The following PLCE1 variants were observed in gnomAD, a reference collection of about 807,000 sequenced individuals.
The protein encoded by PLCE1 is 1-phosphatidylinositol 4,5-bisphosphate phosphodiesterase epsilon-1.
In PLCE1, 119 loss-of-function variants were observed where a neutral mutation model predicts 242.8. The ratio of observed to expected loss-of-function variants is 0.49; its 90% confidence interval spans 0.42 to 0.57. PLCE1 has a LOEUF of 0.57. PLCE1 is among the 20% of genes least tolerant of loss of function. PLCE1 has a pLI of 0.00. For synonymous variants in PLCE1, 945 were observed against 1,017.4 expected (o/e 0.93, Z 1.35); for missense variants, 2,441 against 2,788.8 (o/e 0.88, Z 2.81).
intron 1 of PLCE1, among the ~76,000 whole-genome samples, chr10:94,003,252 T>A (rs1203281270): frequency 6.6e-6 from 1 of 152,252 alleles, no homozygotes; most frequent in East Asian, 1.9e-4. Context: ...CTAGAAGGCA[T>A]AATGTTGGCT....
intron 29 of PLCE1, 127 bp from the exon 30 acceptor site, chr10:94,321,774 G>A (rs2053813673): frequency 1.5e-6 from 1 of 689,336 alleles, no homozygotes; most frequent in Non-Finnish European, 2.5e-6. Flanking sequence ...TAATAACATA[G>A]TATATGAGAT....
chr10:94,057,615 C>T (rs891388559), intron 2 of PLCE1, among the ~76,000 whole-genome samples: 1 of 152,166 alleles, frequency 6.6e-6, no homozygotes, highest in African/African-American at 2.4e-5. Context: ...TATACTTCCA[C>T]GAAACTGTGT....
chr10:94,320,751 A>T (rs2053769796), intron 29 of PLCE1, among the ~76,000 whole-genome samples: 1 of 152,208 alleles, frequency 6.6e-6, no homozygotes, highest in African/African-American at 2.4e-5. Context: ...TCATTTGAAA[A>T]TGTGGTGGAC....
chr10:94,101,594 T>C (rs2045538503), intron 2 of PLCE1, among the ~76,000 whole-genome samples: 1 of 152,100 alleles, frequency 6.6e-6, no homozygotes, highest in Admixed American at 6.5e-5. Context: ...TGAAAACAAG[T>C]GACACAGGTG....
At chr10:94,137,165 C>G (rs982462950) in intron 3 of PLCE1, among the ~76,000 whole-genome samples, 2 of 152,120 alleles carry the variant, frequency 1.3e-5, no homozygotes, top group African/African-American at 4.8e-5. Flanking sequence ...TGCACTCCAG[C>G]CTGGGCGACA....
In PLCE1 at chr10:94,331,491, C is replaced by A. The variant is rs2054155257; in HGVS notation, c.*3548C>A. ...AACACAAAACTCCACATCTATGCTC[C>A]CATGCTAGTAAAGAAGAGTAGGATT... On this transcript the variant is annotated 3_prime_UTR_variant, in exon 33 of 33. Coordinates refer to ENST00000371380, the MANE Select transcript of PLCE1 (RefSeq NM_016341.4). 6.6e-6 allele frequency: 1 copy of A among 152,160 alleles called. No homozygotes were observed. The highest frequency in any genetic ancestry group is 1.5e-5 in the Non-Finnish European group (1 of 68,042). 9.4% of individuals were successfully genotyped at this position (152,160 alleles called of 1,614,324 possible). A position where few individuals can be genotyped will look rare whatever the true frequency, so the allele number is the denominator to read the frequency against.
chr10:94,014,752 G>T (rs1589856448), intron 1 of PLCE1, among the ~76,000 whole-genome samples: 1 of 152,180 alleles, frequency 6.6e-6, no homozygotes, highest in African/African-American at 2.4e-5. Context: ...ATATCTTTAG[G>T]TATACGCTGA....
intron 19 of PLCE1, among the ~76,000 whole-genome samples, chr10:94,277,259 C>T (rs1475769114): frequency 6.6e-6 from 1 of 152,254 alleles, no homozygotes; most frequent in South Asian, 2.1e-4. Context: ...CCTTAAATGA[C>T]AGACACTGCG....
intron 4 of PLCE1, 134 bp downstream of exon 4, chr10:94,171,630 T>C: frequency 1.3e-6 from 1 of 764,384 alleles, no homozygotes; most frequent in Admixed American, 2.0e-5. Context: ...GATGGCTGTT[T>C]TTCTTTCCAG....
At chr10:94,113,204 A>G (rs2046008396) in intron 2 of PLCE1, among the ~76,000 whole-genome samples, 1 of 151,490 alleles carries the variant, frequency 6.6e-6, no homozygotes, top group East Asian at 2.0e-4. Context: ...ATTAAAAACT[A>G]TTGACTTGTG....
chr10:94,287,676 A>T (rs1031645872), intron 22 of PLCE1, among the ~76,000 whole-genome samples: 5 of 151,256 alleles, frequency 3.3e-5, no homozygotes. Flanking sequence ...CTTAGGGTTT[A>T]TTTCTCGGTT....
chr10:94,189,588 G>A (rs2048596670), intron 4 of PLCE1, among the ~76,000 whole-genome samples: 1 of 152,180 alleles, frequency 6.6e-6, no homozygotes, highest in South Asian at 2.1e-4. Context: ...CCTGGGTGCA[G>A]GAAGATCCAT....
chr10:94,269,092 GTC>G, intron 17 of PLCE1, 56 bp downstream of exon 17: 19 of 388,746 alleles, frequency 4.9e-5, no homozygotes, highest in East Asian at 1.2e-4. Flanking sequence ...ATCTTCATTT[GTC>G]TTTTTTTTTT....
In PLCE1 at chr10:94,331,088, GCTT is replaced by G. The variant is rs1368383973; in HGVS notation, c.*3149_*3151del. The G allele has an allele frequency of 6.6e-6, 1 of 152,316 alleles. No homozygotes were observed. Among genetic ancestry groups the G allele is most frequent in the Admixed American group, 6.5e-5 (1 of 15,304 alleles). The allele number at this position is 152,316 out of a possible 1,614,324, so 9.4% of individuals were successfully genotyped here. On this transcript the variant is annotated 3_prime_UTR_variant, in exon 33 of 33. Coordinates refer to ENST00000371380, the MANE Select transcript of PLCE1 (RefSeq NM_016341.4). ...TAGAAAGTGCCCTTTGAGGGGTAAAGCTTCTTTTCATGTCATCATTAGCAAGTA... is the reference window on the plus strand; with the variant it reads ...TAGAAAGTGCCCTTTGAGGGGTAAAGCTTTTCATGTCATCATTAGCAAGTA...
intron 1 of PLCE1, among the ~76,000 whole-genome samples, chr10:94,024,930 C>A (rs2061431066): frequency 1.3e-5 from 2 of 152,068 alleles, no homozygotes; most frequent in African/African-American, 4.8e-5. Context: ...CTACCCCCAC[C>A]TTTTTAGTTT....
chr10:94,309,649 T>C (rs765321366), intron 27 of PLCE1, among the ~76,000 whole-genome samples: 12 of 152,240 alleles, frequency 7.9e-5, no homozygotes, highest in Admixed American at 5.9e-4. Flanking sequence ...AGAATCTGCT[T>C]TTTAACAAGT....
At chr10:94,279,579 T>G (rs1447658003) in intron 19 of PLCE1, 7 of 609,824 alleles carry the variant, frequency 1.1e-5, no homozygotes, top group South Asian at 9.7e-5. Context: ...AGCTCCAGGA[T>G]TCTTCCTGTA....
At chr10:94,172,175 G>T (rs776168241) in intron 4 of PLCE1, among the ~76,000 whole-genome samples, 19 of 152,174 alleles carry the variant, frequency 1.2e-4, no homozygotes, top group Admixed American at 1.2e-3. Flanking sequence ...AGAGCCACTG[G>T]CTGACATCCC....
chr10:94,044,421 G>A (rs1014042640), intron 2 of PLCE1, among the ~76,000 whole-genome samples: 5 of 152,210 alleles, frequency 3.3e-5, no homozygotes, highest in African/African-American at 1.2e-4. Flanking sequence ...ATAAAGGACA[G>A]GATTGGTTTT....
Sources: allele counts gnomAD v4.1 joint callset (sites outside exome capture counted in the v4.1 genomes callset), GRCh38; gene constraint gnomAD v4.1.1; transcripts MANE v1.5; gene names NCBI Gene and HGNC (gene_info 2026-07-23, HGNC 2026-07-21).